Variants in SYN3 observed in about 807,000 individuals in gnomAD.
SYN3 encodes the protein synapsin III.
SYN3 carries 35 observed loss-of-function variants against 65.8 expected under a neutral mutation model. That is an observed-to-expected ratio of 0.53 (90% CI 0.41 to 0.70). SYN3 has a LOEUF of 0.70. Ranked by LOEUF, SYN3 falls within the 30% of genes least tolerant of loss-of-function variation. The pLI is 0.00. For missense variants in SYN3, 680 were observed against 749.0 expected (o/e 0.91, Z 1.08); for synonymous variants, 270 against 292.9 (o/e 0.92, Z 0.80).
chr22:32,895,027 G>A (rs533259749), intron 4 of SYN3, among the ~76,000 whole-genome samples: 8 of 152,320 alleles, frequency 5.3e-5, no homozygotes, highest in Middle Eastern at 3.4e-3. Context: ...CCATTCAGCC[G>A]TAGTTTACAT....
chr22:32,794,165 C>G (rs2046379548), intron 6 of SYN3, among the ~76,000 whole-genome samples: 1 of 152,164 alleles, frequency 6.6e-6, no homozygotes, highest in African/African-American at 2.4e-5. Context: ...AGGAGAATTC[C>G]AGGGTATCTC....
chr22:32,605,494 GC>G (rs2059360122), intron 6 of SYN3, among the ~76,000 whole-genome samples: 1 of 152,164 alleles, frequency 6.6e-6, no homozygotes. Flanking sequence ...CAGGCATGGG[GC>G]TAAGCACTTT....
At chr22:32,531,151 A>G in intron 10 of SYN3, among the ~76,000 whole-genome samples, 1 of 123,100 alleles carries the variant, frequency 8.1e-6, no homozygotes, top group East Asian at 2.6e-4. Context: ...CCCGTCTCAA[A>G]AAAAAAAAAA....
At chr22:32,693,907 T>A (rs902807478) in intron 6 of SYN3, among the ~76,000 whole-genome samples, 4 of 152,086 alleles carry the variant, frequency 2.6e-5, no homozygotes, top group Admixed American at 2.6e-4. Context: ...TTATTGAACA[T>A]CTTTATTTTT....
chr22:32,741,512 C>T (rs5994616), intron 6 of SYN3, among the ~76,000 whole-genome samples: 1,540 of 151,986 alleles, frequency 0.01, 25 homozygotes, highest in African/African-American at 0.035. Flanking sequence ...CCTGCCACCA[C>T]GTCCGGCTAA....
intron 6 of SYN3, among the ~76,000 whole-genome samples, chr22:32,723,601 GGA>G (rs1385377861): frequency 2.0e-5 from 3 of 152,222 alleles, no homozygotes; most frequent in African/African-American, 7.2e-5. Context: ...ACTATTTTCA[GGA>G]GATGAACTTC....
chr22:32,515,749 G>C (rs901201987), intron 13 of SYN3, among the ~76,000 whole-genome samples: 1 of 151,932 alleles, frequency 6.6e-6, no homozygotes, highest in African/African-American at 2.4e-5. Context: ...ATGGTACAGC[G>C]GAATACTATA....
intron 4 of SYN3, 199 bp downstream of exon 4, chr22:32,931,191 G>T: frequency 2.0e-6 from 1 of 508,888 alleles, no homozygotes. Context: ...GGGCTCACTT[G>T]GGGACACCAC....
At chr22:32,824,446 C>T (rs934514810) in intron 6 of SYN3, among the ~76,000 whole-genome samples, 2 of 151,828 alleles carry the variant, frequency 1.3e-5, no homozygotes, top group East Asian at 1.9e-4. Context: ...CTTTAAACCC[C>T]GTAGTCATAT....
At chr22:32,713,906 A>T (rs1601963807) in intron 6 of SYN3, among the ~76,000 whole-genome samples, 1 of 152,114 alleles carries the variant, frequency 6.6e-6, no homozygotes, top group Non-Finnish European at 1.5e-5. Context: ...AACCATGCCA[A>T]AGAAAATAAA....
At position 32,771,967 on chromosome 22, in the gene SYN3, C is replaced by T. The variant is rs1005287326; in HGVS notation, c.711+92948G>A. On this transcript the variant is annotated intron_variant, in intron 6 of 13. Transcript: ENST00000358763. ...AGGTTTGTTTGAGGGTTGGGGAGCACAGCCGTTTAATGTGGGAAGGGTGGT... is the reference window on the plus strand; with the variant it reads ...AGGTTTGTTTGAGGGTTGGGGAGCATAGCCGTTTAATGTGGGAAGGGTGGT... 2.0e-5 allele frequency among the ~76,000 whole-genome samples: 3 copies of T among 152,080 alleles called. No individual in the cohort carries two copies. The East Asian group carries it at 5.8e-4, about 29-fold the overall frequency.
At position 32,569,539 on chromosome 22, in the gene SYN3, C is replaced by CAA. The variant is rs1277091070; in HGVS notation, c.774+27134_774+27135insTT. Among the ~76,000 whole-genome samples, 296 of 47,396 alleles carry CAA rather than the reference C, an allele frequency of 6.2e-3. 5 individuals are homozygous for CAA. Among genetic ancestry groups the CAA allele is most frequent in the African/African-American group, 0.042 (254 of 6,010 alleles). 31.1% of individuals were successfully genotyped at this position (47,396 alleles called of 152,430 possible). On this transcript the variant is annotated intron_variant, in intron 7 of 13. Transcript: ENST00000358763. ...CTATATCTATCTAAAATCAATCAAT[C>CAA]TCTCTCTCTCTCTCTCTCTCTCTCT... is the stretch of plus-strand genomic sequence containing the variant.
intron 4 of SYN3, among the ~76,000 whole-genome samples, chr22:32,925,275 C>T (rs1449529379): frequency 6.6e-6 from 1 of 152,138 alleles, no homozygotes; most frequent in African/African-American, 2.4e-5. Context: ...TATAAGGACA[C>T]CAGTCATATT....
intron 8 of SYN3, among the ~76,000 whole-genome samples, chr22:32,540,630 T>A (rs963068214): frequency 6.6e-6 from 1 of 152,182 alleles, no homozygotes; most frequent in African/African-American, 2.4e-5. Flanking sequence ...CACAGCCCCA[T>A]GTAATCCGTG....
intron 7 of SYN3, among the ~76,000 whole-genome samples, chr22:32,569,473 A>T (rs1245262138): frequency 6.6e-6 from 1 of 151,062 alleles, no homozygotes; most frequent in Non-Finnish European, 1.5e-5. Context: ...AAATCTATCA[A>T]TTGATCTAAA....
intron 9 of SYN3, 106 bp downstream of exon 9, chr22:32,537,930 A>G: frequency 1.0e-6 from 1 of 962,674 alleles, no homozygotes; most frequent in East Asian, 2.4e-5. Context: ...ATGGTGAGGC[A>G]CTGGACGGAG....
chr22:33,040,082 T>C (rs1029631555), intron 1 of SYN3, among the ~76,000 whole-genome samples: 1 of 151,460 alleles, frequency 6.6e-6, no homozygotes, highest in African/African-American at 2.4e-5. Flanking sequence ...CAGGCTGGAG[T>C]GCAGTGGCGC....
At chr22:32,865,863 C>G (rs1438061252) in intron 5 of SYN3, among the ~76,000 whole-genome samples, 1 of 152,074 alleles carries the variant, frequency 6.6e-6, no homozygotes, top group Non-Finnish European at 1.5e-5. Context: ...GTGAAGGGAC[C>G]TGGAAGGGGG....
intron 6 of SYN3, among the ~76,000 whole-genome samples, chr22:32,814,421 T>G (rs1215395915): frequency 1.3e-5 from 2 of 151,412 alleles, no homozygotes; most frequent in African/African-American, 4.9e-5. Flanking sequence ...AAAAGGCCAT[T>G]CCTAACTGCT....
Sources: allele counts gnomAD v4.1 joint callset (sites outside exome capture counted in the v4.1 genomes callset), GRCh38; gene constraint gnomAD v4.1.1; transcripts MANE v1.5; gene names NCBI Gene and HGNC (gene_info 2026-07-23, HGNC 2026-07-21).